The following ACTL8 variants were observed in gnomAD, a reference collection of about 807,000 sequenced individuals.
The protein encoded by ACTL8 is actin like 8, also known as actin-like protein 8.
In ACTL8, 3 loss-of-function variants were observed where a neutral mutation model predicts 9.3. The ratio of observed to expected loss-of-function variants is 0.32; its 90% CI spans 0.15 to 0.83. The LOEUF is 0.83. Among genes scored for constraint, ACTL8 ranks in the 40% least tolerant of loss-of-function variants. ACTL8 has a pLI of 0.57. For synonymous variants in ACTL8, 224 were observed against 205.9 expected (o/e 1.09, Z -0.75); for missense variants, 381 against 492.2 (o/e 0.77, Z 2.14).
At chr1:17,825,409 A>G (rs1043295622) in intron 2 of ACTL8, among the ~76,000 whole-genome samples, 4 of 151,882 alleles carry the variant, frequency 2.6e-5, no homozygotes, top group African/African-American at 9.7e-5. Flanking sequence ...TTTCTTTTCT[A>G]ATCTGTTCTT....
intron 1 of ACTL8, among the ~76,000 whole-genome samples, chr1:17,762,309 G>A (rs1213872779): frequency 6.6e-6 from 1 of 152,048 alleles, no homozygotes; most frequent in Non-Finnish European, 1.5e-5. Context: ...CTAGGCCAGG[G>A]GTCTTGTCGC....
At chr1:17,805,198 C>T (rs776383316) in intron 1 of ACTL8, among the ~76,000 whole-genome samples, 2 of 152,036 alleles carry the variant, frequency 1.3e-5, no homozygotes, top group Non-Finnish European at 2.9e-5. Flanking sequence ...AATTCTCTTC[C>T]CCAGATGTCT....
At chr1:17,759,530 CACCAGACCA>C (rs1255911942) in intron 1 of ACTL8, among the ~76,000 whole-genome samples, 2 of 152,348 alleles carry the variant, frequency 1.3e-5, no homozygotes, top group South Asian at 4.1e-4. Flanking sequence ...TGCTGGTGTG[CACCAGACCA>C]ACTTTTTTTC....
At chr1:17,803,905 G>A (rs67072575) in intron 1 of ACTL8, among the ~76,000 whole-genome samples, 24,959 of 152,070 alleles carry the variant, frequency 0.16, 2,812 homozygotes, top group African/African-American at 0.31. Context: ...TATTTTTCTA[G>A]TTCTCAGTTT....
Position 17,826,619 on chromosome 1 carries a change from G to A in ACTL8, c.*100G>A. On this transcript the variant is annotated 3_prime_UTR_variant, in exon 3 of 3. Transcript: ENST00000375406. The surrounding 1 kb of genome is among the most constrained non-coding windows in gnomAD (Gnocchi z 4.5). The stretch of plus-strand genomic sequence containing the variant: ...GGTGGGGGTAGAATGAGGTGGGGTG[G>A]GGTGAGCTGGCTTTGGAATTCTAGG... 1 of 1,249,494 alleles carries A rather than the reference G, an allele frequency of 8.0e-7. No individual in the cohort carries two copies. Among genetic ancestry groups the A allele is most frequent in the Non-Finnish European group, 1.1e-6 (1 of 934,142 alleles). The allele number at this position is 1,249,494 out of a possible 1,614,324, so 77.4% of individuals were successfully genotyped here.
chr1:17,767,252 G>A lies in ACTL8; in HGVS notation c.-25+11748G>A, dbSNP rs1414963119. On this transcript the variant is annotated intron_variant, in intron 1 of 2. Transcript: ENST00000375406. This position sits in a 1 kb window ranked among gnomAD's most constrained non-coding sequence, Gnocchi z 4.7. ...AGGAGGGCATCAGGAGGTGAGGTCA[G>A]AACGGTAAGAGTGAGGAGATGCTGG... 6.6e-6 allele frequency among the ~76,000 whole-genome samples: 1 copy of A among 152,140 alleles called. No individual in the cohort carries two copies. The highest frequency in any genetic ancestry group is 1.5e-5 in the Non-Finnish European group (1 of 68,038).
intron 1 of ACTL8, among the ~76,000 whole-genome samples, chr1:17,762,539 G>T (rs2066013876): frequency 6.6e-6 from 1 of 152,186 alleles, no homozygotes; most frequent in African/African-American, 2.4e-5. Flanking sequence ...CTCCAGGCAG[G>T]TAGGTCTCAC....
chr1:17,780,850 A>C (rs1338402121), intron 1 of ACTL8, among the ~76,000 whole-genome samples: 1 of 152,140 alleles, frequency 6.6e-6, no homozygotes, highest in Non-Finnish European at 1.5e-5. Context: ...CTGGACATTC[A>C]GATTTGGCAA....
At chr1:17,797,570 A>C (rs1212657294) in intron 1 of ACTL8, among the ~76,000 whole-genome samples, 1 of 152,204 alleles carries the variant, frequency 6.6e-6, no homozygotes, top group Non-Finnish European at 1.5e-5. Flanking sequence ...GGACAGGGCC[A>C]GGTATCCAGC....
In ACTL8 at chr1:17,810,181, C is replaced by A. The variant is rs548834650; in HGVS notation, c.-24-12804C>A. Among the ~76,000 whole-genome samples, 7 of 152,308 alleles carry A rather than the reference C, an allele frequency of 4.6e-5. No individual in the cohort carries two copies. In the South Asian group the frequency reaches 1.4e-3, roughly 32 times the overall value. On this transcript the variant is annotated intron_variant, in intron 1 of 2. Coordinates refer to ENST00000375406, the MANE Select transcript of ACTL8 (RefSeq NM_030812.3). ...AAAGTTGTCTTGCTGTCTCCCATAT[C>A]TCTCCCCACATCCTTTCTTTTCCTA...
At chr1:17,763,637 C>G (rs893838338) in intron 1 of ACTL8, among the ~76,000 whole-genome samples, 4 of 152,226 alleles carry the variant, frequency 2.6e-5, no homozygotes, top group Admixed American at 6.5e-5. Flanking sequence ...CTTCCCCATC[C>G]TATTCCTCAT....
At chr1:17,764,311 TGA>T (rs1222252339) in intron 1 of ACTL8, among the ~76,000 whole-genome samples, 1 of 152,142 alleles carries the variant, frequency 6.6e-6, no homozygotes, top group Non-Finnish European at 1.5e-5. Context: ...GTGCTCAGGT[TGA>T]GACACCCTCA....
rs2053684309 is a variant in ACTL8, at chr1:17,823,682, C to A, written c.348+326C>A. ...GGTCGAGAATAGAGTGAGCTGAGAT[C>A]ACGACACTGCACTCTAGCCTGGGCA... On this transcript the variant is annotated intron_variant, in intron 2 of 2. Transcript: ENST00000375406. The surrounding 1 kb of genome is among the most constrained non-coding windows in gnomAD (Gnocchi z 5.3). 6.6e-6 allele frequency among the ~76,000 whole-genome samples: 1 copy of A among 152,044 alleles called. No homozygotes were observed. The highest frequency in any genetic ancestry group is 6.6e-5 in the Admixed American group (1 of 15,260).
In ACTL8 at chr1:17,826,082, C is replaced by T. The variant is rs748011406; in HGVS notation, c.664C>T (p.Leu222=). The change falls in exon 3 of 3, where the codon CTG becomes TTG. Residue 222 remains leucine, a synonymous_variant. Coordinates refer to ENST00000375406, the MANE Select transcript of ACTL8 (RefSeq NM_030812.3). The surrounding 1 kb of genome is among the most constrained non-coding windows in gnomAD (Gnocchi z 4.5). The part of the protein sequence containing the change: ...CYVPQNLGEA[L]DFRERQQSAL... ...CGTGCCGCAGAATCTGGGGGAGGCC[C>T]TGGACTTTCGTGAGAGGCAGCAGAG... The T allele has an allele frequency of 1.9e-6, 3 of 1,608,260 alleles. No individual in the cohort carries two copies. Among genetic ancestry groups the T allele is most frequent in the East Asian group, 4.5e-5 (2 of 44,860 alleles).
chr1:17,784,469 T>C (rs1035375643), intron 1 of ACTL8, among the ~76,000 whole-genome samples: 11 of 152,182 alleles, frequency 7.2e-5, no homozygotes, highest in Non-Finnish European at 1.5e-4. Flanking sequence ...CGAGTTCCAT[T>C]GTCCTCTGTG....
intron 1 of ACTL8, among the ~76,000 whole-genome samples, chr1:17,813,232 G>C (rs1394528927): frequency 6.6e-6 from 1 of 152,258 alleles, no homozygotes; most frequent in East Asian, 1.9e-4. Flanking sequence ...GTCTTAGGGA[G>C]AAAGCATCCT....
chr1:17,791,895 A>G (rs2066242195), intron 1 of ACTL8, among the ~76,000 whole-genome samples: 1 of 152,182 alleles, frequency 6.6e-6, no homozygotes, highest in African/African-American at 2.4e-5. Context: ...TTCACCCCCA[A>G]CTTGATTTCT....
At chr1:17,755,822 G>C (rs183568394) in intron 1 of ACTL8, among the ~76,000 whole-genome samples, 25 of 151,224 alleles carry the variant, frequency 1.7e-4, no homozygotes, top group Admixed American at 9.2e-4. Context: ...TGGGGGCACC[G>C]CCTGGAGGGG....
Position 17,823,006 on chromosome 1 carries a change from G to GC in ACTL8, c.-1dup. 1 of 1,611,904 alleles carries GC rather than the reference G, an allele frequency of 6.2e-7. No homozygotes were observed. Among genetic ancestry groups the GC allele is most frequent in the East Asian group, 2.2e-5 (1 of 44,840 alleles). ...GCAGGTCCCACCCACCTCTGCCTCC[G>GC]CCATGGCTGCAAGAACCGTTATCAT... On this transcript the variant is annotated 5_prime_UTR_variant, in exon 2 of 3. Transcript: ENST00000375406. This position sits in a 1 kb window ranked among gnomAD's most constrained non-coding sequence, Gnocchi z 5.3.
Sources: allele counts gnomAD v4.1 joint callset (sites outside exome capture counted in the v4.1 genomes callset), GRCh38; gene constraint gnomAD v4.1.1; non-coding constraint Gnocchi (gnomAD v3.1); transcripts MANE v1.5; gene names NCBI Gene and HGNC (gene_info 2026-07-23, HGNC 2026-07-21).